DLST: variants seen among roughly 807,000 people sequenced by gnomAD.
The protein encoded by DLST is dihydrolipoyllysine-residue succinyltransferase component of 2-oxoglutarate dehydrogenase complex, mitochondrial.
A neutral mutation model predicts 53.1 loss-of-function variants in DLST; 17 were observed. That is an observed-to-expected ratio of 0.32 (90% CI 0.22 to 0.48). The LOEUF (loss-of-function observed/expected upper bound fraction) is 0.48, where lower values mean the gene tolerates loss of function less well. DLST is among the 20% of genes least tolerant of loss of function. The probability of loss-of-function intolerance (pLI) is 0.99; values close to 1 mark genes in which losing one functional copy is unlikely to be tolerated. For synonymous variants in DLST, 206 were observed against 204.8 expected (o/e 1.01, Z -0.05); for missense variants, 512 against 583.9 (o/e 0.88, Z 1.27).
intron 7 of DLST, among the ~76,000 whole-genome samples, chr14:74,892,581 T>G (rs1018081024): frequency 2.0e-5 from 3 of 152,126 alleles, no homozygotes; most frequent in Admixed American, 6.5e-5. Context: ...CTTGCTGAAT[T>G]TATTCAGTGG....
intron 1 of DLST, 33 bp downstream of exon 1, chr14:74,882,049 TGA>T: frequency 6.6e-7 from 1 of 1,508,474 alleles, no homozygotes; most frequent in Non-Finnish European, 8.8e-7. Flanking sequence ...CCCCGACGGG[TGA>T]GGAGTCTGTT....
At chr14:74,895,429 G>A (rs567083298) in intron 10 of DLST, among the ~76,000 whole-genome samples, 30 of 152,332 alleles carry the variant, frequency 2.0e-4, no homozygotes, top group African/African-American at 7.0e-4. Flanking sequence ...TTTTGAGTGC[G>A]TACTGTATAC....
chr14:74,890,071 G>A, intron 6 of DLST, 119 bp downstream of exon 6: 1 of 477,718 alleles, frequency 2.1e-6, no homozygotes, highest in Admixed American at 3.6e-5. Context: ...AACTTCAGTT[G>A]TAAAATTATT....
chr14:74,894,274 G>T (rs1884004089), intron 9 of DLST, 38 bp from the exon 10 acceptor site: 6 of 1,610,962 alleles, frequency 3.7e-6, no homozygotes, highest in Non-Finnish European at 5.1e-6. Flanking sequence ...GACCCAGAGA[G>T]ATCAGATTGT....
intron 3 of DLST, 54 bp downstream of exon 3, chr14:74,885,688 CAT>C: frequency 6.6e-7 from 1 of 1,515,612 alleles, no homozygotes; most frequent in Non-Finnish European, 8.9e-7. Flanking sequence ...TATTTAAAGA[CAT>C]AAAGTTCTAA....
At position 74,892,948 on chromosome 14, in the gene DLST, C is replaced by T. The variant is rs140693529; in HGVS notation, c.557C>T (p.Pro186Leu). ...PAAPIPTQMP[P>L]VPSPSQPPSG... ...GCACCCATACCCACTCAGATGCCAC[C>T]GGTGCCCTCGCCCTCACAGCCTCCT... Residue 186 changes from proline (P) to leucine (L), a missense_variant, in exon 8 of 15, where the codon CCG (proline) becomes CTG (leucine). Pro to Leu is a moderately conservative substitution (Grantham distance 98). This residue lies in a region of DLST where 162 missense variants were observed against 162.0 expected (regional missense o/e 1.00). Coordinates refer to ENST00000334220, the MANE Select transcript of DLST (RefSeq NM_001933.5). The T allele has an allele frequency of 9.4e-5, 151 of 1,613,906 alleles. 1 individual carries two copies. Among genetic ancestry groups the T allele is most frequent in the Non-Finnish European group, 1.2e-4 (138 of 1,180,006 alleles).
Position 74,902,367 on chromosome 14 carries a change from A to T in DLST, c.*37A>T, listed in dbSNP as rs1884287950. ...ACACCCTACAAGTTGATCATGCAGG[A>T]ACTGAAAACCAGTCTTCTCCCTGTC... is the stretch of plus-strand genomic sequence containing the variant. On this transcript the variant is annotated 3_prime_UTR_variant, in exon 15 of 15. Coordinates refer to ENST00000334220, the MANE Select transcript of DLST (RefSeq NM_001933.5). 1 of 1,571,482 alleles carries T rather than the reference A, an allele frequency of 6.4e-7. No individual in the cohort carries two copies. Among genetic ancestry groups the T allele is most frequent in the Admixed American group, 1.7e-5 (1 of 58,458 alleles).
chr14:74,894,705 C>T (rs1269020266), intron 10 of DLST, among the ~76,000 whole-genome samples: 3 of 152,068 alleles, frequency 2.0e-5, no homozygotes, highest in Admixed American at 6.5e-5. Context: ...CCCACCACGC[C>T]TGGCTAATTT....
rs749871935 is a variant in DLST, at chr14:74,881,921, C to T, written c.-33C>T. The T allele has an allele frequency of 2.6e-6, 4 of 1,517,140 alleles. No individual in the cohort carries two copies. The highest frequency in any genetic ancestry group is 2.8e-5 in the African/African-American group (2 of 71,022). The allele number at this position is 1,517,140 out of a possible 1,614,324, so 94.0% of individuals were successfully genotyped here. On this transcript the variant is annotated 5_prime_UTR_variant, in exon 1 of 15. Coordinates refer to ENST00000334220, the MANE Select transcript of DLST (RefSeq NM_001933.5). ...TCCGGTTGTTGTCCGGCCCTATATC[C>T]GGTGTCCGCCCGCCCTCGGCTCCTC...
At chr14:74,900,983 C>T (rs1884227519) in intron 13 of DLST, 83 bp from the exon 14 acceptor site, 2 of 1,509,124 alleles carry the variant, frequency 1.3e-6, no homozygotes, top group African/African-American at 2.8e-5. Context: ...GCCTCGGCCT[C>T]CCAAAGCGCT....
intron 13 of DLST, 83 bp downstream of exon 13, chr14:74,900,455 C>T: frequency 3.1e-6 from 4 of 1,295,280 alleles, no homozygotes; most frequent in Non-Finnish European, 4.5e-6. Flanking sequence ...GCAAGCAGTG[C>T]TCATGGAAAG....
rs1884292144 is a variant in DLST at position 74,902,498 on chromosome 14, C to T, written c.*168C>T. The T allele has an allele frequency of 8.5e-6, 6 of 702,648 alleles. No homozygotes were observed. The highest frequency in any genetic ancestry group is 3.5e-5 in the South Asian group (1 of 28,760). 43.5% of individuals were successfully genotyped at this position (702,648 alleles called of 1,614,324 possible). ...CCAGCAGTCACAGGTCTTTTCTTGGCGTTCCTGCCAGGCTCTCCCTCTCTG... is the reference window on the plus strand; with the variant it reads ...CCAGCAGTCACAGGTCTTTTCTTGGTGTTCCTGCCAGGCTCTCCCTCTCTG... On this transcript the variant is annotated 3_prime_UTR_variant, in exon 15 of 15. Transcript: ENST00000334220.
At chr14:74,882,176 C>T (rs1197140782) in intron 1 of DLST, among the ~76,000 whole-genome samples, 160 bp downstream of exon 1, 1 of 152,104 alleles carries the variant, frequency 6.6e-6, no homozygotes, top group Non-Finnish European at 1.5e-5. Flanking sequence ...CCGTGGTTGC[C>T]CTCGGGACCG....
At chr14:74,899,348 A>G (rs1039785504) in intron 11 of DLST, among the ~76,000 whole-genome samples, 4 of 151,826 alleles carry the variant, frequency 2.6e-5, no homozygotes, top group Non-Finnish European at 4.4e-5. Context: ...ACAATACAAC[A>G]TGGACTTTCT....
At chr14:74,889,813 T>A (rs984628521) in intron 5 of DLST, 84 bp from the exon 6 acceptor site, 2 of 1,403,000 alleles carry the variant, frequency 1.4e-6, no homozygotes, top group Non-Finnish European at 2.0e-6. Context: ...AGGGTTCTTA[T>A]AACATACCTG....
rs1275099649 is a variant in DLST at position 74,889,413 on chromosome 14, G to C, written c.274+64G>C. 3.8e-6 allele frequency: 5 copies of C among 1,332,824 alleles called. No individual in the cohort carries two copies. In the African/African-American group the frequency reaches 8.3e-5, roughly 22 times the overall value. The allele number at this position is 1,332,824 out of a possible 1,614,324, so 82.6% of individuals were successfully genotyped here. On this transcript the variant is annotated intron_variant, in intron 5 of 14. Transcript: ENST00000334220. ...GAGACAGAGTCTTGCTCTGTTCCCA[G>C]CCTGGAGTGCAGTGGTATGATCTCG...
rs774820919 is a variant in DLST at position 74,885,613 on chromosome 14, A to G, written c.125A>G (p.Tyr42Cys). ...PGVSLCQGPG[Y>C]PNSRKVVINN... ...GTCTCCTTATGCCAGGGACCAGGTTACCCTAACAGCAGGAAGGTTGTGTAA... is the reference window on the plus strand; with the variant it reads ...GTCTCCTTATGCCAGGGACCAGGTTGCCCTAACAGCAGGAAGGTTGTGTAA... Residue 42 changes from tyrosine to cysteine, a missense_variant, in exon 3 of 15, where the codon TAC becomes TGC. Physicochemically the swap from Tyr to Cys is radical, Grantham distance 194 (BLOSUM62 -2). This residue lies in a region of DLST where 129 missense variants were observed against 90.9 expected (regional missense o/e 1.42). Transcript: ENST00000334220. The G allele has an allele frequency of 3.8e-5, 61 of 1,613,668 alleles. No individual in the cohort carries two copies. The Middle Eastern group carries it at 4.9e-4, about 13-fold the overall frequency.
chr14:74,885,948 T>A, intron 3 of DLST: 1 of 259,708 alleles, frequency 3.9e-6, no homozygotes, highest in Non-Finnish European at 7.3e-6. Flanking sequence ...TGGATGTAAG[T>A]GCAGCTGAAA....
In DLST at chr14:74,900,324, T is replaced by C. The variant is rs952516795; in HGVS notation, c.1011T>C (p.Ala337=). The change falls in exon 13 of 15, where the codon GCT becomes GCC. Residue 337 remains alanine, a synonymous_variant. Transcript: ENST00000334220. ...LVVPVIRNVE[A]MNFADIERTI... is the part of the protein sequence containing the mutation. ...TTCCAGTCATCAGGAATGTGGAAGC[T>C]ATGAATTTTGCAGATATTGAACGGA... The C allele has an allele frequency of 1.2e-6, 2 of 1,614,012 alleles. No individual in the cohort carries two copies. The highest frequency in any genetic ancestry group is 1.7e-5 in the Admixed American group (1 of 60,022).
Sources: gnomAD v4.1 joint callset for allele counts (sites outside exome capture counted in the v4.1 genomes callset) on GRCh38, gnomAD v4.1.1 for gene constraint, gnomAD v4.1.1 regional missense constraint, MANE v1.5 for transcripts, NCBI Gene and HGNC (gene_info 2026-07-23, HGNC 2026-07-21) for gene names.